Variants in BMAL1 observed in about 807,000 individuals in gnomAD.
The protein encoded by BMAL1 is basic helix-loop-helix ARNT like 1.
the BMAL1 span, among the ~76,000 whole-genome samples, chr11:13,278,279 CG>C: frequency 6.6e-6 from 1 of 152,162 alleles, no homozygotes; most frequent in Non-Finnish European, 1.5e-5. Context: ...CGCTACCTGG[CG>C]GGGGGAGGGG....
the BMAL1 span, among the ~76,000 whole-genome samples, chr11:13,348,596 G>A: frequency 6.6e-6 from 1 of 152,136 alleles, no homozygotes; most frequent in Admixed American, 6.5e-5. Flanking sequence ...TGGGAGGATA[G>A]CGTGTGACCT....
chr11:13,386,032 C>A, the BMAL1 span, among the ~76,000 whole-genome samples: 1,817 of 152,328 alleles, frequency 0.012, 21 homozygotes, highest in Non-Finnish European at 0.02. Flanking sequence ...CATAGGCTTT[C>A]TCCCATGTGG....
At chr11:13,336,123 G>A in the BMAL1 span, among the ~76,000 whole-genome samples, 354 of 152,284 alleles carry the variant, frequency 2.3e-3, no homozygotes, top group Admixed American at 5.2e-3. Flanking sequence ...TTTACATAAG[G>A]ATATGTAGTA....
chr11:13,356,755 G>T, the BMAL1 span: 1 of 1,614,184 alleles, frequency 6.2e-7, no homozygotes, highest in Non-Finnish European at 8.5e-7. Context: ...CATGGACACA[G>T]ACAAAGATGA....
chr11:13,281,172 GT>G, the BMAL1 span, among the ~76,000 whole-genome samples: 1 of 152,094 alleles, frequency 6.6e-6, no homozygotes, highest in East Asian at 1.9e-4. Flanking sequence ...TATTTGTGCT[GT>G]TTGTCCTTAG....
the BMAL1 span, among the ~76,000 whole-genome samples, chr11:13,318,783 G>C: frequency 6.6e-6 from 1 of 151,732 alleles, no homozygotes; most frequent in African/African-American, 2.4e-5. Flanking sequence ...TCTAGGGGAG[G>C]GGGGCCCTTG....
the BMAL1 span, among the ~76,000 whole-genome samples, chr11:13,285,652 G>A: frequency 2.0e-5 from 3 of 152,110 alleles, no homozygotes; most frequent in Non-Finnish European, 4.4e-5. Flanking sequence ...GGAAAGTAAA[G>A]GCTAGTGTGA....
At chr11:13,381,858 A>C in the BMAL1 span, among the ~76,000 whole-genome samples, 1 of 152,214 alleles carries the variant, frequency 6.6e-6, no homozygotes, top group East Asian at 1.9e-4. Flanking sequence ...AGAACTTATA[A>C]GCCTAGGCCC....
the BMAL1 span, among the ~76,000 whole-genome samples, chr11:13,283,935 A>T: frequency 6.6e-6 from 1 of 150,722 alleles, no homozygotes; most frequent in South Asian, 2.1e-4. Flanking sequence ...TTTTAACATA[A>T]CTCACTAACC....
At chr11:13,376,290 G>A in the BMAL1 span, among the ~76,000 whole-genome samples, 3 of 152,196 alleles carry the variant, frequency 2.0e-5, no homozygotes, top group Non-Finnish European at 2.9e-5. Flanking sequence ...CTTCCCCATA[G>A]TGTCCAAAAC....
the BMAL1 span, chr11:13,360,376 C>T: frequency 1.2e-6 from 2 of 1,614,002 alleles, no homozygotes; most frequent in Non-Finnish European, 1.7e-6. Flanking sequence ...AAGCAAACTA[C>T]AAACCAACTT....
At chr11:13,285,796 T>C in the BMAL1 span, among the ~76,000 whole-genome samples, 1 of 152,228 alleles carries the variant, frequency 6.6e-6, no homozygotes, top group Admixed American at 6.5e-5. Flanking sequence ...TTATATATTA[T>C]AAAATAGTAA....
At chr11:13,380,556 G>T in the BMAL1 span, 1 of 152,194 alleles carries the variant, frequency 6.6e-6, no homozygotes. Context: ...GATAAGAAAG[G>T]CCTGGACCCA....
the BMAL1 span, chr11:13,360,266 G>A: frequency 1.5e-6 from 2 of 1,304,386 alleles, no homozygotes; most frequent in Non-Finnish European, 2.2e-6. Context: ...GCCACTTACA[G>A]AAGGTTTGAG....
the BMAL1 span, chr11:13,369,779 A>T: frequency 1.2e-6 from 2 of 1,607,968 alleles, no homozygotes; most frequent in Non-Finnish European, 1.7e-6. Flanking sequence ...TAACAATTTA[A>T]CAGTCCATTA....
chr11:13,346,610 C>G, the BMAL1 span, among the ~76,000 whole-genome samples: 7 of 152,200 alleles, frequency 4.6e-5, no homozygotes, highest in Non-Finnish European at 1.0e-4. Context: ...CCTCCTTGCT[C>G]CTTCCTGTGG....
chr11:13,294,928 A>G, the BMAL1 span, among the ~76,000 whole-genome samples: 1 of 152,082 alleles, frequency 6.6e-6, no homozygotes, highest in South Asian at 2.1e-4. Context: ...GACTGAAGAG[A>G]GCACATTGCT....
At chr11:13,364,342 TCA>T in the BMAL1 span, among the ~76,000 whole-genome samples, 1 of 152,222 alleles carries the variant, frequency 6.6e-6, no homozygotes, top group Non-Finnish European at 1.5e-5. Flanking sequence ...TGTTCCCCTC[TCA>T]CTCATTTCTT....
chr11:13,358,832 C>T, the BMAL1 span, among the ~76,000 whole-genome samples: 4 of 152,210 alleles, frequency 2.6e-5, no homozygotes, highest in South Asian at 2.1e-4. Flanking sequence ...GTGCTTTGCA[C>T]GTCTCTGTAT....
Sources: gnomAD v4.1 joint callset for allele counts (sites outside exome capture counted in the v4.1 genomes callset) on GRCh38, gnomAD v4.1.1 for gene constraint, MANE v1.5 for transcripts, NCBI Gene and HGNC (gene_info 2026-07-23, HGNC 2026-07-21) for gene names.